Variants in P4HA1 observed in about 807,000 individuals in gnomAD.
P4HA1 encodes prolyl 4-hydroxylase subunit alpha 1.
In P4HA1, 24 loss-of-function variants were observed where a neutral mutation model predicts 72.8. The observed-to-expected ratio is 0.33, with a 90% CI of 0.24 to 0.46. The LOEUF is 0.46. Among genes scored for constraint, P4HA1 ranks in the 20% least tolerant of loss-of-function variants. P4HA1 has a pLI of 1.00. For synonymous variants in P4HA1, 201 were observed against 218.8 expected, an observed-to-expected ratio of 0.92 and a Z score of 0.72; for missense variants, 446 against 640.6, an observed-to-expected ratio of 0.70 and a Z score of 3.28.
intron 10 of P4HA1, among the ~76,000 whole-genome samples, chr10:73,024,833 C>A (rs1486040010): frequency 6.6e-6 from 1 of 152,164 alleles, no homozygotes; most frequent in Non-Finnish European, 1.5e-5. Context: ...CACAGAAATA[C>A]AAACTACCAT....
chr10:73,082,883 A>C (rs1479000697), intron 1 of P4HA1, among the ~76,000 whole-genome samples: 3 of 54,314 alleles, frequency 5.5e-5, no homozygotes, highest in Non-Finnish European at 5.0e-5. Flanking sequence ...TTCTACCTTC[A>C]TTCAGAAAGC....
Position 73,063,844 on chromosome 10 carries a change from C to T in P4HA1, c.463+5002G>A, listed in dbSNP as rs540581475. Among the ~76,000 whole-genome samples the T allele has an allele frequency of 2.2e-4, 33 of 152,216 alleles. No individual in the cohort carries two copies. In the South Asian group the frequency reaches 6.6e-3, roughly 31 times the overall value. On this transcript the variant is annotated intron_variant, in intron 5 of 14. Coordinates refer to ENST00000394890, the MANE Select transcript of P4HA1 (RefSeq NM_001017962.3). The stretch of plus-strand genomic sequence containing the variant: ...ATTAACAATATTAAAGGCAGACTGC[C>T]TGGGAATCTGATTTTAAAATAAATC...
chr10:73,048,548 A>G (rs1415004055), intron 7 of P4HA1, among the ~76,000 whole-genome samples: 1 of 152,200 alleles, frequency 6.6e-6, no homozygotes, highest in Non-Finnish European at 1.5e-5. Flanking sequence ...TACAGGCATG[A>G]GCCATCGTGC....
intron 9 of P4HA1, among the ~76,000 whole-genome samples, chr10:73,044,202 C>CA (rs2083666540): frequency 6.6e-6 from 1 of 151,790 alleles, no homozygotes; most frequent in South Asian, 2.1e-4. Context: ...TTTTTTTAAA[C>CA]AAAAAATCAT....
intron 5 of P4HA1, among the ~76,000 whole-genome samples, chr10:73,063,325 G>T (rs370267424): frequency 2.6e-5 from 4 of 152,136 alleles, no homozygotes; most frequent in African/African-American, 9.7e-5. Flanking sequence ...TCCTCACATG[G>T]TGAAGGCTGA....
At position 73,090,392 on chromosome 10, in the gene P4HA1, C is replaced by T. The variant is rs7076700; in HGVS notation, c.-33+6374G>A. ...CAAGCAGTCCTCCTGCCTCGGCCACCCAAAGGGTTGGGATTACAGGCCTAA... is the reference window on the plus strand; with the variant it reads ...CAAGCAGTCCTCCTGCCTCGGCCACTCAAAGGGTTGGGATTACAGGCCTAA... On this transcript the variant is annotated intron_variant, in intron 1 of 14. Transcript: ENST00000394890. Among the ~76,000 whole-genome samples, 992 of 152,332 alleles carry T rather than the reference C, an allele frequency of 6.5e-3. 18 individuals are homozygous for T. Among genetic ancestry groups the T allele is most frequent in the African/African-American group, 0.022 (922 of 41,580 alleles).
chr10:73,008,388 G>A, intron 14 of P4HA1, 96 bp from the exon 15 acceptor site: 2 of 782,650 alleles, frequency 2.6e-6, no homozygotes, highest in South Asian at 1.7e-5. Context: ...TTTCATCATG[G>A]GATAAAAGTT....
At chr10:73,021,996 A>C (rs1840146645) in intron 10 of P4HA1, among the ~76,000 whole-genome samples, 1 of 152,136 alleles carries the variant, frequency 6.6e-6, no homozygotes, top group South Asian at 2.1e-4. Flanking sequence ...GAAAGCTCAA[A>C]CTGGGCGGAG....
chr10:73,094,806 T>C (rs901826396), intron 1 of P4HA1, among the ~76,000 whole-genome samples: 1 of 152,178 alleles, frequency 6.6e-6, no homozygotes, highest in East Asian at 1.9e-4. Flanking sequence ...CAAGGCAATA[T>C]AAAACTTTTT....
At chr10:73,087,545 C>A (rs1467388305) in intron 1 of P4HA1, among the ~76,000 whole-genome samples, 1 of 152,166 alleles carries the variant, frequency 6.6e-6, no homozygotes, top group Non-Finnish European at 1.5e-5. Flanking sequence ...GGATTACAGG[C>A]ATGACCCACC....
chr10:73,011,363 A>T (rs1839906709), intron 12 of P4HA1, among the ~76,000 whole-genome samples: 1 of 152,184 alleles, frequency 6.6e-6, no homozygotes, highest in African/African-American at 2.4e-5. Context: ...ACACAGATAT[A>T]AATATGTATT....
chr10:73,076,474 C>T (rs1230794761), intron 1 of P4HA1, among the ~76,000 whole-genome samples: 1 of 151,674 alleles, frequency 6.6e-6, no homozygotes, highest in Non-Finnish European at 1.5e-5. Flanking sequence ...CTCTTATCAA[C>T]TGTGTTCTAT....
At chr10:73,051,497 C>T (rs1589604512) in intron 6 of P4HA1, among the ~76,000 whole-genome samples, 1 of 152,282 alleles carries the variant, frequency 6.6e-6, no homozygotes, top group South Asian at 2.1e-4. Context: ...TGGTGGCTCA[C>T]ACCTGTAATC....
At chr10:73,024,085 A>C (rs1840203702) in intron 10 of P4HA1, among the ~76,000 whole-genome samples, 1 of 152,226 alleles carries the variant, frequency 6.6e-6, no homozygotes, top group Non-Finnish European at 1.5e-5. Flanking sequence ...AACAAGACAG[A>C]AGGTTAACAA....
intron 1 of P4HA1, among the ~76,000 whole-genome samples, chr10:73,089,261 T>A (rs78386415): frequency 6.6e-6 from 1 of 152,218 alleles, no homozygotes; most frequent in Non-Finnish European, 1.5e-5. Context: ...TATTAGTATA[T>A]AGAAATACAA....
At chr10:73,031,446 C>G (rs1840430646) in intron 9 of P4HA1, among the ~76,000 whole-genome samples, 1 of 152,222 alleles carries the variant, frequency 6.6e-6, no homozygotes, top group African/African-American at 2.4e-5. Flanking sequence ...GATCACACCA[C>G]TGCACTCCAA....
chr10:73,075,851 G>A (rs1048542838), intron 1 of P4HA1, among the ~76,000 whole-genome samples: 2 of 152,014 alleles, frequency 1.3e-5, no homozygotes, highest in Admixed American at 6.6e-5. Flanking sequence ...GGTTACAGGC[G>A]TGAGCCACGG....
intron 4 of P4HA1, among the ~76,000 whole-genome samples, chr10:73,069,919 T>C (rs1201546761): frequency 1.3e-5 from 2 of 151,678 alleles, no homozygotes; most frequent in African/African-American, 4.9e-5. Flanking sequence ...CAAGCAATTA[T>C]CTTGCCTCAG....
At chr10:73,035,956 A>C (rs1333958377) in intron 9 of P4HA1, among the ~76,000 whole-genome samples, 1 of 152,152 alleles carries the variant, frequency 6.6e-6, no homozygotes, top group Non-Finnish European at 1.5e-5. Flanking sequence ...TGGGAGACTG[A>C]GGCGGGTGGA....
Sources: gnomAD v4.1 joint callset for allele counts (sites outside exome capture counted in the v4.1 genomes callset) on GRCh38, gnomAD v4.1.1 for gene constraint, MANE v1.5 for transcripts, NCBI Gene and HGNC (gene_info 2026-07-23, HGNC 2026-07-21) for gene names.